MYT1L: variants seen among roughly 807,000 people sequenced by gnomAD.
MYT1L encodes the protein myelin transcription factor 1-like protein.
Under a neutral mutation model 126.7 loss-of-function variants are expected in MYT1L, and 12 were observed. The ratio of observed to expected loss-of-function variants is 0.09; its 90% CI spans 0.06 to 0.15. The LOEUF is 0.15. MYT1L is among the 10% of genes least tolerant of loss of function. The pLI is 1.00. For missense variants in MYT1L, 979 were observed against 1,585.2 expected, an observed-to-expected ratio of 0.62 and a Z score of 6.49; for synonymous variants, 541 against 604.2, an observed-to-expected ratio of 0.90 and a Z score of 1.53.
chr2:2,028,855 G>A (rs1033707959), intron 4 of MYT1L, among the ~76,000 whole-genome samples: 18 of 152,036 alleles, frequency 1.2e-4, no homozygotes, highest in African/African-American at 3.1e-4. Flanking sequence ...TCATTAACTC[G>A]TTGTTAAGAG....
At chr2:1,874,593 C>T (rs1301931276) in intron 18 of MYT1L, among the ~76,000 whole-genome samples, 1 of 152,182 alleles carries the variant, frequency 6.6e-6, no homozygotes, top group Non-Finnish European at 1.5e-5. Flanking sequence ...AGCGGCTGGG[C>T]CGGATGTCCT....
At chr2:2,092,395 T>C (rs1309474761) in intron 3 of MYT1L, among the ~76,000 whole-genome samples, 1 of 152,182 alleles carries the variant, frequency 6.6e-6, no homozygotes, top group African/African-American at 2.4e-5. Context: ...CTGTTTGCAG[T>C]GCCCTCCAGA....
At chr2:1,993,780 A>T (rs1398079644) in intron 5 of MYT1L, among the ~76,000 whole-genome samples, 1 of 152,220 alleles carries the variant, frequency 6.6e-6, no homozygotes, top group Non-Finnish European at 1.5e-5. Context: ...TGGTTTCTGG[A>T]AGCGCTGGTC....
chr2:1,827,922 A>G (rs911641941), intron 21 of MYT1L: 1 of 152,220 alleles, frequency 6.6e-6, no homozygotes, highest in African/African-American at 2.4e-5. Flanking sequence ...TCAAAACCAG[A>G]ATCCTAGTAG....
chr2:1,821,466 CA>C (rs1490258496), intron 21 of MYT1L, among the ~76,000 whole-genome samples: 1 of 152,034 alleles, frequency 6.6e-6, no homozygotes, highest in Non-Finnish European at 1.5e-5. Context: ...GTTATGAATA[CA>C]ATATATTTTA....
At chr2:2,134,050 ATGG>A (rs1305164678) in intron 3 of MYT1L, among the ~76,000 whole-genome samples, 1 of 152,196 alleles carries the variant, frequency 6.6e-6, no homozygotes, top group Non-Finnish European at 1.5e-5. Flanking sequence ...AAGTCTCCTG[ATGG>A]TGGTGTGGTG....
intron 3 of MYT1L, among the ~76,000 whole-genome samples, chr2:2,108,836 C>T (rs996772896): frequency 7.9e-5 from 12 of 152,094 alleles, no homozygotes; most frequent in Non-Finnish European, 1.3e-4. Flanking sequence ...TAGCTCTATG[C>T]AATATATTTT....
chr2:2,021,900 A>C (rs2065072354), intron 4 of MYT1L, among the ~76,000 whole-genome samples: 1 of 152,160 alleles, frequency 6.6e-6, no homozygotes, highest in Admixed American at 6.5e-5. Context: ...CCATCTCAAA[A>C]AACAAAAAAA....
At chr2:1,961,625 T>C (rs2058969291) in intron 8 of MYT1L, among the ~76,000 whole-genome samples, 1 of 152,230 alleles carries the variant, frequency 6.6e-6, no homozygotes, top group South Asian at 2.1e-4. Flanking sequence ...ACTCCCAGGC[T>C]CTTGCTACAC....
At chr2:2,036,871 T>C (rs2066912558) in intron 4 of MYT1L, among the ~76,000 whole-genome samples, 1 of 152,186 alleles carries the variant, frequency 6.6e-6, no homozygotes, top group South Asian at 2.1e-4. Flanking sequence ...CACACTTCAA[T>C]TTAAGACTCA....
At chr2:2,045,563 C>T (rs1306519673) in intron 4 of MYT1L, among the ~76,000 whole-genome samples, 1 of 152,186 alleles carries the variant, frequency 6.6e-6, no homozygotes, top group Non-Finnish European at 1.5e-5. Flanking sequence ...TTGCTCACCC[C>T]TCTCATATTT....
At position 1,979,089 on chromosome 2, in the gene MYT1L, A is replaced by T; in HGVS notation, c.152+76T>A. The T allele has an allele frequency of 8.5e-7, 1 of 1,173,620 alleles. No individual in the cohort carries two copies. The highest frequency in any genetic ancestry group is 1.3e-6 in the Non-Finnish European group (1 of 799,794). 72.7% of individuals were successfully genotyped at this position (1,173,620 alleles called of 1,614,324 possible). On this transcript the variant is annotated intron_variant, in intron 8 of 24. Transcript: ENST00000647738. The surrounding 1 kb of genome is among the most constrained non-coding windows in gnomAD (Gnocchi z 4.0). Reference sequence around the variant, plus strand: ...GCTTTCCAAGAACACCTGCTCACACAGTTCATCATCAGGACTGGGTCCCCA... The same window carrying T: ...GCTTTCCAAGAACACCTGCTCACACTGTTCATCATCAGGACTGGGTCCCCA...
At chr2:2,092,612 G>A (rs114800122) in intron 3 of MYT1L, among the ~76,000 whole-genome samples, 251 of 152,316 alleles carry the variant, frequency 1.6e-3, no homozygotes, top group African/African-American at 5.7e-3. Context: ...CACGATCCGT[G>A]AAGCACAGTA....
intron 21 of MYT1L, among the ~76,000 whole-genome samples, chr2:1,823,002 G>T (rs913306137): frequency 6.6e-6 from 1 of 152,192 alleles, no homozygotes; most frequent in African/African-American, 2.4e-5. Context: ...CTCCTGAAGG[G>T]ATATGTTGAT....
chr2:2,229,916 A>G (rs1363225112), intron 2 of MYT1L, among the ~76,000 whole-genome samples: 2 of 152,200 alleles, frequency 1.3e-5, no homozygotes, highest in East Asian at 3.8e-4. Flanking sequence ...TTATTTATAA[A>G]TCCTTCCGGT....
chr2:2,291,674 T>C lies in MYT1L; in HGVS notation c.-520-7171A>G, dbSNP rs149939502. On this transcript the variant is annotated intron_variant, in intron 1 of 24. Transcript: ENST00000647738. ...GTGGCCTGTGTGGAAAGTCGGGTTC[T>C]GCACCGCGTACGCTGGGTGCGGTTG... 3.0e-3 allele frequency among the ~76,000 whole-genome samples: 462 copies of C among 152,350 alleles called. 1 individual carries two copies. The highest frequency in any genetic ancestry group is 4.6e-3 in the Non-Finnish European group (310 of 68,034).
At chr2:2,086,570 A>C (rs541370832) in intron 3 of MYT1L, among the ~76,000 whole-genome samples, 32 of 152,284 alleles carry the variant, frequency 2.1e-4, no homozygotes, top group Middle Eastern at 3.4e-3. Flanking sequence ...CACACATAGA[A>C]TCACTCTGCA....
intron 9 of MYT1L, among the ~76,000 whole-genome samples, chr2:1,927,012 T>G (rs1190939943): frequency 6.6e-6 from 1 of 152,194 alleles, no homozygotes; most frequent in Non-Finnish European, 1.5e-5. Context: ...CTCAGCTCCC[T>G]TTTTTTGGTT....
At chr2:1,959,929 T>C (rs1017232616) in intron 8 of MYT1L, among the ~76,000 whole-genome samples, 13 of 152,240 alleles carry the variant, frequency 8.5e-5, no homozygotes, top group South Asian at 2.1e-4. Context: ...GTGCCATCCA[T>C]TGGCATGCAG....
Sources: allele counts gnomAD v4.1 joint callset (sites outside exome capture counted in the v4.1 genomes callset), GRCh38; gene constraint gnomAD v4.1.1; non-coding constraint Gnocchi (gnomAD v3.1); transcripts MANE v1.5; gene names NCBI Gene and HGNC (gene_info 2026-07-23, HGNC 2026-07-21).